The following ADGRL3 variants were observed in gnomAD, a reference collection of about 807,000 sequenced individuals.
ADGRL3 encodes calcium-independent alpha-latrotoxin receptor 3.
A neutral mutation model predicts 153.5 loss-of-function variants in ADGRL3; 62 were observed. The observed-to-expected ratio is 0.40, with a 90% CI of 0.33 to 0.50. The LOEUF is 0.50. ADGRL3 is among the 20% of genes least tolerant of loss of function. The pLI, the probability that ADGRL3 is intolerant of heterozygous loss-of-function variation, is 0.47. For missense variants in ADGRL3, 1,641 were observed against 1,859.4 expected (o/e 0.88, Z 2.16); for synonymous variants, 710 against 672.5 (o/e 1.06, Z -0.86).
intron 9 of ADGRL3, among the ~76,000 whole-genome samples, chr4:61,849,589 C>A (rs2149130544): frequency 6.6e-6 from 1 of 152,092 alleles, no homozygotes; most frequent in South Asian, 2.1e-4. Context: ...AAACATCCTT[C>A]TCTGCAGCAT....
At chr4:61,818,422 C>A (rs1040612979) in intron 9 of ADGRL3, among the ~76,000 whole-genome samples, 2 of 152,208 alleles carry the variant, frequency 1.3e-5, no homozygotes, top group African/African-American at 4.8e-5. Context: ...CATTGAGCAT[C>A]TGCAGCTTTT....
chr4:61,309,420 T>C (rs574352036), intron 1 of ADGRL3, among the ~76,000 whole-genome samples: 1 of 152,298 alleles, frequency 6.6e-6, no homozygotes, highest in South Asian at 2.1e-4. Flanking sequence ...CCTTATTTAC[T>C]CATTGCATAT....
chr4:61,759,532 AAGG>A (rs1412687724), intron 8 of ADGRL3, among the ~76,000 whole-genome samples: 1 of 151,942 alleles, frequency 6.6e-6, no homozygotes, highest in East Asian at 1.9e-4. Context: ...CAGGTCCTTT[AAGG>A]AGTTCTCTGC....
At chr4:61,588,643 G>A (rs371106376) in intron 5 of ADGRL3, among the ~76,000 whole-genome samples, 32 of 151,944 alleles carry the variant, frequency 2.1e-4, no homozygotes, top group African/African-American at 7.7e-4. Context: ...ATTAAAATTA[G>A]GCATTTCATT....
At chr4:61,829,129 A>G (rs1006719048) in intron 9 of ADGRL3, among the ~76,000 whole-genome samples, 6 of 152,232 alleles carry the variant, frequency 3.9e-5, no homozygotes, top group African/African-American at 1.2e-4. Flanking sequence ...GCCTATCACT[A>G]TCACACCTGG....
chr4:61,366,512 C>G (rs1438999304), intron 1 of ADGRL3, among the ~76,000 whole-genome samples: 2 of 152,094 alleles, frequency 1.3e-5, no homozygotes, highest in African/African-American at 2.4e-5. Context: ...GGATTTGGAC[C>G]AAATCCATTT....
In ADGRL3 at chr4:62,070,905, A is replaced by G. The variant is rs1745468226; in HGVS notation, c.4629A>G (p.Leu1543=). Residue 1543 remains leucine (L), a synonymous_variant, in exon 27 of 27, where the codon CTA becomes CTG. Transcript: ENST00000683033. ...GACCGGCTCATTTGGTCACTAGTCT[A>G]TAGAAGATGACACAGAAATTGGAAC... is the stretch of plus-strand genomic sequence containing the variant. ...SKGPAHLVTS[L] 5.2e-6 allele frequency: 8 copies of G among 1,539,214 alleles called. No homozygotes were observed. Among genetic ancestry groups the G allele is most frequent in the South Asian group, 4.8e-5 (4 of 82,696 alleles).
chr4:61,681,825 A>T (rs2095342791), intron 6 of ADGRL3, among the ~76,000 whole-genome samples: 1 of 152,096 alleles, frequency 6.6e-6, no homozygotes, highest in African/African-American at 2.4e-5. Context: ...ATAATTACAT[A>T]TTTTTAACTC....
intron 4 of ADGRL3, among the ~76,000 whole-genome samples, chr4:61,562,944 C>CAA (rs35146786): frequency 0.031 from 3,250 of 105,882 alleles, 148 homozygotes; most frequent in African/African-American, 0.1. Context: ...GACCCTGTCT[C>CAA]AAAAAAAAAA....
At chr4:62,037,648 A>C (rs1725818808) in intron 23 of ADGRL3, 83 bp from the exon 24 acceptor site, 1 of 1,432,844 alleles carries the variant, frequency 7.0e-7, no homozygotes, top group Non-Finnish European at 9.8e-7. Flanking sequence ...ATTATCTAAA[A>C]ATAAAACTCA....
chr4:61,305,852 A>G (rs1007605085), intron 1 of ADGRL3, among the ~76,000 whole-genome samples: 1 of 152,108 alleles, frequency 6.6e-6, no homozygotes. Context: ...AAGCAAGTGG[A>G]GGAATATTCA....
chr4:61,251,458 C>T (rs941798442), intron 1 of ADGRL3, among the ~76,000 whole-genome samples: 91 of 152,284 alleles, frequency 6.0e-4, no homozygotes, highest in African/African-American at 2.1e-3. Context: ...TGTCCCATGG[C>T]ATCACTTTTG....
chr4:61,636,531 A>C (rs2093430755), intron 5 of ADGRL3, among the ~76,000 whole-genome samples: 1 of 152,064 alleles, frequency 6.6e-6, no homozygotes, highest in Admixed American at 6.6e-5. Flanking sequence ...AAGAAGGTGA[A>C]ATGGAGATAC....
chr4:61,339,065 A>G (rs1203872815), intron 1 of ADGRL3, among the ~76,000 whole-genome samples: 1 of 152,132 alleles, frequency 6.6e-6, no homozygotes, highest in African/African-American at 2.4e-5. Flanking sequence ...TAGACCACTA[A>G]TAGAGTATTT....
chr4:61,502,252 T>C, intron 3 of ADGRL3, among the ~76,000 whole-genome samples: 1 of 152,136 alleles, frequency 6.6e-6, no homozygotes, highest in East Asian at 1.9e-4. Context: ...TAACTACACC[T>C]AAGCCCCAGA....
chr4:61,770,474 G>A (rs1298809350), intron 8 of ADGRL3, among the ~76,000 whole-genome samples: 1 of 152,130 alleles, frequency 6.6e-6, no homozygotes, highest in Non-Finnish European at 1.5e-5. Context: ...TTCTCTGAGG[G>A]CATTTTGAGG....
intron 2 of ADGRL3, among the ~76,000 whole-genome samples, chr4:61,492,055 C>G (rs1204158394): frequency 6.9e-6 from 1 of 145,144 alleles, no homozygotes; most frequent in Non-Finnish European, 1.5e-5. Context: ...AAAAACATTG[C>G]TTAATGGGAA....
At chr4:61,555,622 C>CGA (rs902106636) in intron 4 of ADGRL3, among the ~76,000 whole-genome samples, 14 of 152,002 alleles carry the variant, frequency 9.2e-5, no homozygotes, top group Non-Finnish European at 1.8e-4. Flanking sequence ...ATCCAGACCC[C>CGA]GAGAGGGATC....
At chr4:62,033,419 T>A (rs1723253063) in intron 23 of ADGRL3, among the ~76,000 whole-genome samples, 1 of 151,682 alleles carries the variant, frequency 6.6e-6, no homozygotes, top group Admixed American at 6.6e-5. Context: ...ATAGGAGACA[T>A]GTAAATGGTG....
Sources: gnomAD v4.1 joint callset for allele counts (sites outside exome capture counted in the v4.1 genomes callset) on GRCh38, gnomAD v4.1.1 for gene constraint, MANE v1.5 for transcripts, NCBI Gene and HGNC (gene_info 2026-07-23, HGNC 2026-07-21) for gene names.